The following FOXP1 variants were observed in gnomAD, a reference collection of about 807,000 sequenced individuals.
FOXP1 encodes the protein forkhead box P1, also known as forkhead box protein P1.
A neutral mutation model predicts 98.2 loss-of-function variants in FOXP1; 15 were observed. That is an observed-to-expected ratio of 0.15 (90% CI 0.10 to 0.24). The LOEUF (loss-of-function observed/expected upper bound fraction) is 0.24. Ranked by LOEUF, FOXP1 falls within the 10% of genes least tolerant of loss-of-function variation. The probability of loss-of-function intolerance (pLI) is 1.00; values close to 1 mark genes in which losing one functional copy is unlikely to be tolerated. For missense variants in FOXP1, 633 were observed against 848.5 expected (o/e 0.75, Z 3.15); for synonymous variants, 371 against 314.5 (o/e 1.18, Z -1.90).
At chr3:71,465,275 C>A (rs1367601102) in intron 3 of FOXP1, among the ~76,000 whole-genome samples, 12 of 149,620 alleles carry the variant, frequency 8.0e-5, no homozygotes, top group Non-Finnish European at 3.0e-5. Flanking sequence ...CCATTGCACT[C>A]CAGCCTGGGC....
chr3:71,220,967 G>C (rs965631141), intron 5 of FOXP1, among the ~76,000 whole-genome samples: 1 of 150,146 alleles, frequency 6.7e-6, no homozygotes, highest in Non-Finnish European at 1.5e-5. Context: ...AGAATACTTA[G>C]ACTTAGACAC....
intron 4 of FOXP1, among the ~76,000 whole-genome samples, chr3:71,356,944 A>G (rs1044616592): frequency 1.3e-5 from 2 of 152,196 alleles, no homozygotes; most frequent in Non-Finnish European, 2.9e-5. Context: ...AATCATGTAC[A>G]GGCCAATTTG....
chr3:71,569,420 T>C (rs946176581), intron 2 of FOXP1, among the ~76,000 whole-genome samples: 2 of 152,186 alleles, frequency 1.3e-5, no homozygotes, highest in African/African-American at 2.4e-5. Context: ...CAGAGACCAT[T>C]TGGTCCTTAT....
chr3:71,469,404 T>C (rs748774125), intron 3 of FOXP1, among the ~76,000 whole-genome samples: 36 of 152,344 alleles, frequency 2.4e-4, no homozygotes, highest in Middle Eastern at 3.4e-3. Context: ...GACCATTCTA[T>C]AGTTTAATCT....
intron 3 of FOXP1, among the ~76,000 whole-genome samples, chr3:71,366,655 C>CA (rs2078950490): frequency 6.6e-6 from 1 of 152,064 alleles, no homozygotes; most frequent in Non-Finnish European, 1.5e-5. Context: ...AAAGAAGAAA[C>CA]ATTTTGCACA....
chr3:71,184,673 C>T (rs1444982459), intron 6 of FOXP1, among the ~76,000 whole-genome samples: 1 of 151,766 alleles, frequency 6.6e-6, no homozygotes, highest in Non-Finnish European at 1.5e-5. Flanking sequence ...TTAACATCAA[C>T]TAATCATAGA....
At chr3:71,015,436 T>C in intron 12 of FOXP1, 113 bp downstream of exon 12, 1 of 697,498 alleles carries the variant, frequency 1.4e-6, no homozygotes, top group South Asian at 1.5e-5. Context: ...TAGAGTCCAC[T>C]CTCAAAGGGG....
At chr3:70,987,145 A>G (rs1273106816) in intron 14 of FOXP1, among the ~76,000 whole-genome samples, 1 of 152,252 alleles carries the variant, frequency 6.6e-6, no homozygotes, top group Non-Finnish European at 1.5e-5. Flanking sequence ...AAATTTTACA[A>G]ATCTTAAAAT....
intron 5 of FOXP1, among the ~76,000 whole-genome samples, chr3:71,229,989 A>G (rs1319028302): frequency 6.6e-6 from 1 of 151,864 alleles, no homozygotes; most frequent in Non-Finnish European, 1.5e-5. Context: ...TGGCGCTGCA[A>G]CCTCCAGGAC....
chr3:71,496,869 G>T (rs1310712920), intron 2 of FOXP1, among the ~76,000 whole-genome samples: 1 of 151,854 alleles, frequency 6.6e-6, no homozygotes, highest in East Asian at 1.9e-4. Context: ...CTATGTGTAT[G>T]GTCATTAGTG....
At chr3:70,976,822 C>CTT (rs1312877926) in intron 17 of FOXP1, 119 bp downstream of exon 17, 1 of 748,346 alleles carries the variant, frequency 1.3e-6, no homozygotes, top group Middle Eastern at 2.3e-4. Flanking sequence ...AGATTGGACA[C>CTT]TTTAAGAGTA....
intron 7 of FOXP1, among the ~76,000 whole-genome samples, chr3:71,100,297 C>A (rs1238232086): frequency 6.6e-6 from 1 of 152,230 alleles, no homozygotes; most frequent in Non-Finnish European, 1.5e-5. Context: ...CTATGTGGTT[C>A]AGACTCTTAT....
intron 6 of FOXP1, among the ~76,000 whole-genome samples, chr3:71,113,430 C>G (rs1046733907): frequency 1.3e-5 from 2 of 152,074 alleles, no homozygotes; most frequent in African/African-American, 4.8e-5. Flanking sequence ...ACTGACAAAT[C>G]TTTTTAAAAG....
chr3:71,148,158 C>T (rs1385879902), intron 6 of FOXP1, among the ~76,000 whole-genome samples: 1 of 152,210 alleles, frequency 6.6e-6, no homozygotes, highest in East Asian at 1.9e-4. Context: ...AGGCAGATCA[C>T]CTGAGGTCAG....
At chr3:71,399,335 T>C (rs1263175356) in intron 3 of FOXP1, among the ~76,000 whole-genome samples, 3 of 152,130 alleles carry the variant, frequency 2.0e-5, no homozygotes, top group African/African-American at 7.2e-5. Flanking sequence ...AGCTCCCAAG[T>C]CATGAAGAAA....
intron 4 of FOXP1, among the ~76,000 whole-genome samples, chr3:71,340,132 C>T (rs1409737864): frequency 6.6e-6 from 1 of 152,026 alleles, no homozygotes; most frequent in Non-Finnish European, 1.5e-5. Context: ...CGTAGATAAC[C>T]CCCTGCCCCC....
intron 9 of FOXP1, among the ~76,000 whole-genome samples, chr3:71,047,836 G>C (rs190277442): frequency 4.2e-4 from 64 of 152,240 alleles, no homozygotes; most frequent in Non-Finnish European, 8.1e-4. Context: ...GAAAAGAAGG[G>C]GCTTTACGAT....
intron 3 of FOXP1, among the ~76,000 whole-genome samples, chr3:71,361,811 C>T (rs1309876724): frequency 1.3e-5 from 2 of 152,198 alleles, no homozygotes; most frequent in East Asian, 1.9e-4. Context: ...GACTAACCAG[C>T]GCTTAGCTTC....
chr3:71,181,760 C>T (rs946061898), intron 6 of FOXP1, among the ~76,000 whole-genome samples: 4 of 152,026 alleles, frequency 2.6e-5, no homozygotes, highest in Admixed American at 2.0e-4. Context: ...TGGCCGGGCG[C>T]GGTGGCTCAC....
Sources: gnomAD v4.1 joint callset for allele counts (sites outside exome capture counted in the v4.1 genomes callset) on GRCh38, gnomAD v4.1.1 for gene constraint, MANE v1.5 for transcripts, NCBI Gene and HGNC (gene_info 2026-07-23, HGNC 2026-07-21) for gene names.